NELL1: variants seen among roughly 807,000 people sequenced by gnomAD.
NELL1 encodes protein kinase C-binding protein NELL1.
A neutral mutation model predicts 107.4 loss-of-function variants in NELL1; 76 were observed. The observed-to-expected ratio is 0.71, with a 90% CI of 0.59 to 0.86. The LOEUF (loss-of-function observed/expected upper bound fraction) is 0.86, where lower values mean the gene tolerates loss of function less well. Among genes scored for constraint, NELL1 ranks in the 40% least tolerant of loss-of-function variants. NELL1 has a pLI of 0.00. For synonymous variants in NELL1, 353 were observed against 341.2 expected (o/e 1.03, Z -0.38); for missense variants, 1,024 against 1,005.5 (o/e 1.02, Z -0.25).
chr11:20,756,491 G>A (rs947983836), intron 2 of NELL1, among the ~76,000 whole-genome samples: 1 of 149,942 alleles, frequency 6.7e-6, no homozygotes, highest in Non-Finnish European at 1.5e-5. Context: ...AGGCACCTGA[G>A]ATGGCGCCGG....
At chr11:21,323,391 G>C (rs1380771590) in intron 14 of NELL1, among the ~76,000 whole-genome samples, 1 of 152,132 alleles carries the variant, frequency 6.6e-6, no homozygotes, top group Non-Finnish European at 1.5e-5. Context: ...GGAGAAGAAA[G>C]TGGTCATTTA....
At chr11:20,733,535 T>TA (rs1384954216) in intron 2 of NELL1, among the ~76,000 whole-genome samples, 3 of 152,044 alleles carry the variant, frequency 2.0e-5, no homozygotes, top group East Asian at 3.9e-4. Flanking sequence ...CAAGAAGAAA[T>TA]AAAAAAGTCC....
chr11:21,328,000 T>C (rs963828948), intron 14 of NELL1, among the ~76,000 whole-genome samples: 1 of 152,174 alleles, frequency 6.6e-6, no homozygotes, highest in Non-Finnish European at 1.5e-5. Flanking sequence ...TACAATGTGA[T>C]GATGTGTTAG....
intron 2 of NELL1, among the ~76,000 whole-genome samples, chr11:20,686,932 GTT>G (rs368676309): frequency 2.2e-5 from 3 of 139,344 alleles, no homozygotes; most frequent in Admixed American, 7.2e-5. Context: ...AGGGGCTTCA[GTT>G]TTTTTTTTTT....
intron 15 of NELL1, among the ~76,000 whole-genome samples, chr11:21,457,287 C>T (rs566193704): frequency 3.8e-4 from 58 of 152,054 alleles, no homozygotes; most frequent in African/African-American, 1.3e-3. Flanking sequence ...AATGAAAAGT[C>T]GTAGAGACAT....
At chr11:21,051,096 G>A (rs192936301) in intron 12 of NELL1, among the ~76,000 whole-genome samples, 71 of 152,234 alleles carry the variant, frequency 4.7e-4, no homozygotes, top group African/African-American at 1.5e-3. Context: ...CATGTTCATA[G>A]CAACCCAATT....
chr11:20,696,880 C>T (rs1193601817), intron 2 of NELL1, among the ~76,000 whole-genome samples: 1 of 152,230 alleles, frequency 6.6e-6, no homozygotes, highest in East Asian at 1.9e-4. Flanking sequence ...AAGTGATATA[C>T]ATAAAACAAA....
At chr11:21,023,692 T>C (rs965249911) in intron 12 of NELL1, among the ~76,000 whole-genome samples, 5 of 152,040 alleles carry the variant, frequency 3.3e-5, no homozygotes, top group African/African-American at 4.8e-5. Flanking sequence ...GCAGCCCTGC[T>C]TGGCTTGTGG....
chr11:21,515,630 G>T (rs1855540673), intron 15 of NELL1, among the ~76,000 whole-genome samples: 1 of 152,144 alleles, frequency 6.6e-6, no homozygotes, highest in South Asian at 2.1e-4. Flanking sequence ...ATTCACTGTG[G>T]AATGTGAGGA....
chr11:20,700,097 G>A (rs1224823418), intron 2 of NELL1, among the ~76,000 whole-genome samples: 1 of 151,746 alleles, frequency 6.6e-6, no homozygotes, highest in African/African-American at 2.4e-5. Context: ...CCTTGACAAA[G>A]CAAGCTTCAT....
chr11:21,028,158 A>G (rs568437312), intron 12 of NELL1, among the ~76,000 whole-genome samples: 5 of 152,286 alleles, frequency 3.3e-5, no homozygotes, highest in African/African-American at 1.2e-4. Context: ...GAAGGGATGT[A>G]AGAGTGTCAC....
chr11:21,515,791 G>C (rs1442584867), intron 15 of NELL1, among the ~76,000 whole-genome samples: 1 of 152,146 alleles, frequency 6.6e-6, no homozygotes, highest in Admixed American at 6.5e-5. Flanking sequence ...TGATTTTGAA[G>C]CCAGAACATT....
At chr11:20,679,020 A>C (rs999268499) in intron 2 of NELL1, among the ~76,000 whole-genome samples, 2 of 152,216 alleles carry the variant, frequency 1.3e-5, no homozygotes, top group South Asian at 4.1e-4. Flanking sequence ...AAAGCCAACA[A>C]AAAGACTTTC....
chr11:20,800,156 C>T (rs1857253787), intron 3 of NELL1, among the ~76,000 whole-genome samples: 1 of 152,156 alleles, frequency 6.6e-6, no homozygotes, highest in South Asian at 2.1e-4. Context: ...GTGAATGGCA[C>T]TGTGATGAAC....
intron 12 of NELL1, among the ~76,000 whole-genome samples, chr11:21,017,924 C>T (rs915630089): frequency 6.6e-6 from 1 of 152,060 alleles, no homozygotes; most frequent in Admixed American, 6.6e-5. Flanking sequence ...ACAGCCTCTG[C>T]TGTAGCCCTA....
At chr11:20,932,864 C>T (rs960911227) in intron 9 of NELL1, among the ~76,000 whole-genome samples, 1 of 152,108 alleles carries the variant, frequency 6.6e-6, no homozygotes, top group African/African-American at 2.4e-5. Flanking sequence ...ATGGAAGACA[C>T]AGAAGTCACA....
At chr11:21,233,845 A>G (rs1182800331) in intron 14 of NELL1, among the ~76,000 whole-genome samples, 2 of 152,338 alleles carry the variant, frequency 1.3e-5, no homozygotes, top group Admixed American at 6.5e-5. Context: ...TCTGGATAGG[A>G]TGTGGTGATC....
intron 13 of NELL1, among the ~76,000 whole-genome samples, chr11:21,155,878 GAAGAC>G (rs1207396696): frequency 6.6e-6 from 1 of 152,192 alleles, no homozygotes. Flanking sequence ...ACCTTTAGGT[GAAGAC>G]AAGATTTTAT....
chr11:20,799,579 A>T (rs1857240776), intron 3 of NELL1, among the ~76,000 whole-genome samples: 1 of 152,232 alleles, frequency 6.6e-6, no homozygotes, highest in Admixed American at 6.5e-5. Context: ...AATAATAATA[A>T]TACTTTGGTA....
Sources: allele counts gnomAD v4.1 joint callset (sites outside exome capture counted in the v4.1 genomes callset), GRCh38; gene constraint gnomAD v4.1.1; transcripts MANE v1.5; gene names NCBI Gene and HGNC (gene_info 2026-07-23, HGNC 2026-07-21).